Variants in EDIL3 observed in about 807,000 individuals in gnomAD.
EDIL3 encodes the protein EGF like and discoidin domains 3.
A neutral mutation model predicts 67.4 loss-of-function variants in EDIL3; 37 were observed. That is an observed-to-expected ratio of 0.55 (90% CI 0.42 to 0.72). The LOEUF is 0.72. Among genes scored for constraint, EDIL3 ranks in the 30% least tolerant of loss-of-function variants. EDIL3 has a pLI of 0.00. For missense variants in EDIL3, 527 were observed against 586.3 expected, an observed-to-expected ratio of 0.90 and a Z score of 1.04; for synonymous variants, 195 against 196.3, an observed-to-expected ratio of 0.99 and a Z score of 0.05.
chr5:84,172,672 G>A (rs1258611104), intron 4 of EDIL3, among the ~76,000 whole-genome samples: 2 of 152,076 alleles, frequency 1.3e-5, no homozygotes, highest in African/African-American at 4.8e-5. Flanking sequence ...AGGGAATATT[G>A]GTTTTCTAGT....
chr5:83,980,446 A>G (rs1333553572), intron 9 of EDIL3, among the ~76,000 whole-genome samples: 2 of 151,770 alleles, frequency 1.3e-5, no homozygotes, highest in African/African-American at 2.4e-5. Flanking sequence ...TAATCCCAGT[A>G]CTTTGGGAGG....
At chr5:84,202,278 A>G (rs186271264) in intron 3 of EDIL3, among the ~76,000 whole-genome samples, 16 of 152,314 alleles carry the variant, frequency 1.1e-4, no homozygotes, top group Admixed American at 3.3e-4. Flanking sequence ...CTGGGTATCT[A>G]CAATGAGCAG....
At chr5:84,142,437 C>T (rs1748216797) in intron 4 of EDIL3, among the ~76,000 whole-genome samples, 1 of 151,964 alleles carries the variant, frequency 6.6e-6, no homozygotes, top group Admixed American at 6.6e-5. Context: ...TTTCAACTGG[C>T]TCACCTTTGC....
intron 1 of EDIL3, among the ~76,000 whole-genome samples, chr5:84,312,930 T>C (rs1184225837): frequency 2.0e-5 from 3 of 152,138 alleles, no homozygotes; most frequent in Non-Finnish European, 4.4e-5. Flanking sequence ...GATTATCAAA[T>C]GTAATATTGG....
chr5:84,204,785 T>C (rs1235458939), intron 3 of EDIL3, among the ~76,000 whole-genome samples: 1 of 141,186 alleles, frequency 7.1e-6, no homozygotes, highest in African/African-American at 2.7e-5. Context: ...CATAAGTTAA[T>C]TGGCCCAAGG....
intron 5 of EDIL3, among the ~76,000 whole-genome samples, chr5:84,126,575 C>T (rs920474801): frequency 6.6e-6 from 1 of 151,968 alleles, no homozygotes; most frequent in Admixed American, 6.6e-5. Flanking sequence ...ACATTTGTGA[C>T]ATGTATTATG....
chr5:84,327,436 C>T (rs1746786889), intron 1 of EDIL3, among the ~76,000 whole-genome samples: 1 of 151,636 alleles, frequency 6.6e-6, no homozygotes, highest in Non-Finnish European at 1.5e-5. Context: ...CTTTTGACTC[C>T]ATCTTTTTTG....
At chr5:84,051,371 GA>G (rs1746335514) in intron 9 of EDIL3, among the ~76,000 whole-genome samples, 2 of 152,142 alleles carry the variant, frequency 1.3e-5, no homozygotes, top group South Asian at 4.1e-4. Flanking sequence ...AAACAGAATA[GA>G]AAAATTGAAA....
chr5:83,959,673 C>T (rs1744573910), intron 10 of EDIL3, among the ~76,000 whole-genome samples: 1 of 150,100 alleles, frequency 6.7e-6, no homozygotes, highest in Non-Finnish European at 1.5e-5. Context: ...GAAAACAAGA[C>T]AAAAATAATG....
chr5:84,257,183 C>T (rs544490959), intron 1 of EDIL3, among the ~76,000 whole-genome samples: 17 of 152,118 alleles, frequency 1.1e-4, no homozygotes, highest in Non-Finnish European at 1.8e-4. Flanking sequence ...CTTTCTGGTG[C>T]CTTAAGAAAC....
chr5:84,109,135 T>C (rs987851688), intron 5 of EDIL3, among the ~76,000 whole-genome samples: 2 of 152,200 alleles, frequency 1.3e-5, no homozygotes, highest in South Asian at 2.1e-4. Context: ...TTTGAAAATA[T>C]ATATGTGCAA....
intron 3 of EDIL3, among the ~76,000 whole-genome samples, chr5:84,219,764 T>C (rs1440433682): frequency 1.3e-5 from 2 of 152,286 alleles, no homozygotes; most frequent in African/African-American, 4.8e-5. Context: ...ATATGGACAA[T>C]GGAGTACTAT....
chr5:84,255,873 TATTTAA>T (rs1287667254), intron 1 of EDIL3, among the ~76,000 whole-genome samples: 1 of 152,104 alleles, frequency 6.6e-6, no homozygotes, highest in East Asian at 1.9e-4. Flanking sequence ...GACCATGGAG[TATTTAA>T]TCTGGAATGG....
chr5:84,141,990 T>TCTATCTATCTAA (rs1748208516), intron 4 of EDIL3, among the ~76,000 whole-genome samples: 2 of 147,626 alleles, frequency 1.4e-5, no homozygotes, highest in Non-Finnish European at 3.0e-5. Flanking sequence ...TATCTATCTA[T>TCTATCTATCTAA]CTATCTATCA....
chr5:84,014,825 C>A (rs895289422), intron 9 of EDIL3, among the ~76,000 whole-genome samples: 1 of 152,130 alleles, frequency 6.6e-6, no homozygotes, highest in Non-Finnish European at 1.5e-5. Flanking sequence ...TTCTTTGTAT[C>A]TTAAAGGGTA....
rs990870878 is a variant in EDIL3 at position 84,002,051 on chromosome 5, G to T, written c.1138-38691C>A. ...AATCTTCAAAAAATATTAGCAAAAT[G>T]AATTAAAACACCTTAAAAAGATCAT... On this transcript the variant is annotated intron_variant, in intron 9 of 10. Transcript: ENST00000296591. Among the ~76,000 whole-genome samples the T allele has an allele frequency of 1.8e-4, 28 of 152,012 alleles. 1 individual carries two copies. Among genetic ancestry groups the T allele is most frequent in the Admixed American group, 1.7e-3 (26 of 15,266 alleles).
intron 1 of EDIL3, among the ~76,000 whole-genome samples, chr5:84,314,523 A>G (rs2112147490): frequency 6.6e-6 from 1 of 152,346 alleles, no homozygotes; most frequent in South Asian, 2.1e-4. Context: ...ATGTACAGAA[A>G]TATAAGTTAA....
At chr5:84,272,032 A>T (rs1745481504) in intron 1 of EDIL3, among the ~76,000 whole-genome samples, 1 of 152,198 alleles carries the variant, frequency 6.6e-6, no homozygotes, top group East Asian at 1.9e-4. Context: ...CAATGTAATG[A>T]TTAAAAATGT....
intron 9 of EDIL3, among the ~76,000 whole-genome samples, chr5:84,016,311 T>C (rs1229460972): frequency 6.6e-6 from 1 of 152,204 alleles, no homozygotes; most frequent in Non-Finnish European, 1.5e-5. Flanking sequence ...ATCTAGTTTA[T>C]CGTCATGCAT....
Sources: allele counts gnomAD v4.1 joint callset (sites outside exome capture counted in the v4.1 genomes callset), GRCh38; gene constraint gnomAD v4.1.1; transcripts MANE v1.5; gene names NCBI Gene and HGNC (gene_info 2026-07-23, HGNC 2026-07-21).